The following CDK14 variants were observed in gnomAD, a reference collection of about 807,000 sequenced individuals.
CDK14 encodes cyclin dependent kinase 14.
In CDK14, 34 loss-of-function variants were observed where a neutral mutation model predicts 60.7. The observed-to-expected ratio is 0.56, with a 90% CI of 0.43 to 0.75. CDK14 has a LOEUF of 0.75. CDK14 is among the 30% of genes least tolerant of loss of function. The probability of loss-of-function intolerance (pLI) is 0.00; values close to 1 mark genes in which losing one functional copy is unlikely to be tolerated. For missense variants in CDK14, 482 were observed against 564.1 expected, an observed-to-expected ratio of 0.85 and a Z score of 1.47; for synonymous variants, 197 against 203.7, an observed-to-expected ratio of 0.97 and a Z score of 0.28.
At chr7:91,174,390 C>A (rs1221002644) in intron 14 of CDK14, among the ~76,000 whole-genome samples, 32 of 149,898 alleles carry the variant, frequency 2.1e-4, no homozygotes, top group South Asian at 4.2e-4. Context: ...AACTCTAAAA[C>A]GCAGAGCGCC....
At chr7:91,079,837 G>A (rs1798432713) in intron 12 of CDK14, among the ~76,000 whole-genome samples, 1 of 152,188 alleles carries the variant, frequency 6.6e-6, no homozygotes, top group African/African-American at 2.4e-5. Flanking sequence ...TGATGTTGGT[G>A]ACAACTTTTG....
At chr7:91,024,111 AATGATGATGATGATGATGATG>A (rs59410115) in intron 10 of CDK14, among the ~76,000 whole-genome samples, 2 of 149,270 alleles carry the variant, frequency 1.3e-5, no homozygotes, top group Non-Finnish European at 3.0e-5. Context: ...ACCCATCCAA[AATGATGATGATGATGATGATG>A]ATGATGATGA....
intron 6 of CDK14, among the ~76,000 whole-genome samples, chr7:90,870,622 G>T (rs59378987): frequency 3.9e-5 from 6 of 151,906 alleles, no homozygotes; most frequent in Non-Finnish European, 5.9e-5. Flanking sequence ...CCTCATAAAC[G>T]TCCACTAGAT....
intron 2 of CDK14, among the ~76,000 whole-genome samples, chr7:90,633,074 C>T (rs935696253): frequency 6.6e-5 from 9 of 136,682 alleles, no homozygotes; most frequent in South Asian, 2.4e-4. Flanking sequence ...CCAGCCTGGG[C>T]GACAAAGCGA....
intron 2 of CDK14, among the ~76,000 whole-genome samples, chr7:90,637,939 A>C (rs1282724428): frequency 1.4e-5 from 2 of 147,672 alleles, no homozygotes; most frequent in African/African-American, 2.5e-5. Context: ...CTGTTTTATC[A>C]GAGACTAGGA....
chr7:90,835,208 G>C (rs967596785), intron 5 of CDK14, among the ~76,000 whole-genome samples: 1 of 152,168 alleles, frequency 6.6e-6, no homozygotes, highest in Non-Finnish European at 1.5e-5. Context: ...AGTAGGTTAT[G>C]GATAAAGTGG....
At chr7:90,608,876 G>T (rs1799476831) in intron 2 of CDK14, among the ~76,000 whole-genome samples, 1 of 152,156 alleles carries the variant, frequency 6.6e-6, no homozygotes, top group Non-Finnish European at 1.5e-5. Flanking sequence ...AGTGCTCCAA[G>T]CACATTTTTA....
At chr7:90,970,053 G>A (rs1378841474) in intron 9 of CDK14, among the ~76,000 whole-genome samples, 4 of 148,998 alleles carry the variant, frequency 2.7e-5, no homozygotes, top group Admixed American at 6.8e-5. Context: ...TGCAACCTCC[G>A]CCTCCCAGGT....
At chr7:90,702,085 C>T (rs906481958) in intron 2 of CDK14, among the ~76,000 whole-genome samples, 1 of 152,142 alleles carries the variant, frequency 6.6e-6, no homozygotes, top group Non-Finnish European at 1.5e-5. Flanking sequence ...AGGTGCAGCC[C>T]TCCTTAGACT....
At chr7:90,814,933 T>C (rs1789290159) in intron 5 of CDK14, among the ~76,000 whole-genome samples, 1 of 152,192 alleles carries the variant, frequency 6.6e-6, no homozygotes, top group African/African-American at 2.4e-5. Context: ...AAAATTTGAG[T>C]CTTCCTCAGC....
intron 5 of CDK14, among the ~76,000 whole-genome samples, chr7:90,844,366 G>A (rs761657144): frequency 6.6e-6 from 1 of 152,160 alleles, no homozygotes; most frequent in Admixed American, 6.6e-5. Context: ...TCTACAAAAT[G>A]TAGGGTTTGG....
intron 6 of CDK14, among the ~76,000 whole-genome samples, chr7:90,896,526 C>T (rs981048746): frequency 6.6e-5 from 10 of 151,834 alleles, no homozygotes; most frequent in Non-Finnish European, 1.2e-4. Context: ...AGTTTTAATT[C>T]TGGCATTAAA....
At chr7:90,920,479 T>A (rs1375797904) in intron 8 of CDK14, among the ~76,000 whole-genome samples, 1 of 152,216 alleles carries the variant, frequency 6.6e-6, no homozygotes, top group Non-Finnish European at 1.5e-5. Flanking sequence ...GCTAGGAATG[T>A]ATACTAACCT....
chr7:90,873,577 C>T (rs1791448389), intron 6 of CDK14, among the ~76,000 whole-genome samples: 1 of 151,866 alleles, frequency 6.6e-6, no homozygotes, highest in African/African-American at 2.4e-5. Flanking sequence ...ATTAGGCCAC[C>T]CTATAAATTA....
At chr7:91,024,749 T>C (rs1415666351) in intron 10 of CDK14, among the ~76,000 whole-genome samples, 2 of 152,196 alleles carry the variant, frequency 1.3e-5, no homozygotes, top group East Asian at 1.9e-4. Context: ...ATGTGACTGG[T>C]AAGTAAGTGG....
intron 10 of CDK14, among the ~76,000 whole-genome samples, chr7:91,015,526 T>TG (rs1339418305): frequency 7.7e-6 from 1 of 130,256 alleles, no homozygotes; most frequent in South Asian, 2.8e-4. Context: ...CTTGGGTTTT[T>TG]TTTTTTTTTT....
chr7:90,646,350 G>T (rs191624107), intron 2 of CDK14, among the ~76,000 whole-genome samples: 2 of 149,786 alleles, frequency 1.3e-5, no homozygotes, highest in Admixed American at 6.7e-5. Context: ...ATGGTTCAGC[G>T]TGCATGTGAG....
intron 11 of CDK14, among the ~76,000 whole-genome samples, chr7:91,059,328 A>T (rs898122677): frequency 1.5e-4 from 22 of 151,472 alleles, no homozygotes; most frequent in Non-Finnish European, 3.1e-4. Context: ...GCGGTCTATC[A>T]ATTTTGTTGA....
chr7:90,962,383 G>A (rs991301762), intron 9 of CDK14, among the ~76,000 whole-genome samples: 12 of 152,116 alleles, frequency 7.9e-5, no homozygotes, highest in African/African-American at 2.9e-4. Flanking sequence ...CTACTTGGGA[G>A]ACTGAGACAG....
Sources: gnomAD v4.1 joint callset for allele counts (sites outside exome capture counted in the v4.1 genomes callset) on GRCh38, gnomAD v4.1.1 for gene constraint, MANE v1.5 for transcripts, NCBI Gene and HGNC (gene_info 2026-07-23, HGNC 2026-07-21) for gene names.